OSBPL1A: variants seen among roughly 807,000 people sequenced by gnomAD.
OSBPL1A encodes oxysterol binding protein like 1A, also known as oxysterol-binding protein-related protein 1.
A neutral mutation model predicts 137.1 loss-of-function variants in OSBPL1A; 80 were observed. The observed-to-expected ratio is 0.58, with a 90% CI of 0.49 to 0.70. OSBPL1A has a LOEUF of 0.70. Among genes scored for constraint, OSBPL1A ranks in the 30% least tolerant of loss-of-function variants. OSBPL1A has a pLI of 0.00. For synonymous variants in OSBPL1A, 365 were observed against 389.7 expected (o/e 0.94, Z 0.75); for missense variants, 970 against 1,129.4 (o/e 0.86, Z 2.02).
At chr18:24,387,609 C>A (rs1288886932) in intron 1 of OSBPL1A, among the ~76,000 whole-genome samples, 1 of 151,986 alleles carries the variant, frequency 6.6e-6, no homozygotes. Context: ...GAGATGGGGA[C>A]TCGCTTTGTT....
chr18:24,358,432 T>A (rs7226922), intron 4 of OSBPL1A: 2 of 701,656 alleles, frequency 2.9e-6, no homozygotes, highest in African/African-American at 3.5e-5. Context: ...TTCCCCACCC[T>A]CGTGCACAGG....
At chr18:24,228,909 A>C (rs1239245904) in intron 16 of OSBPL1A, among the ~76,000 whole-genome samples, 2 of 152,140 alleles carry the variant, frequency 1.3e-5, no homozygotes, top group African/African-American at 4.8e-5. Context: ...ATAAATAAAA[A>C]GCAAACACAG....
At chr18:24,258,906 T>C (rs548814236) in intron 15 of OSBPL1A, among the ~76,000 whole-genome samples, 2 of 150,852 alleles carry the variant, frequency 1.3e-5, no homozygotes, top group South Asian at 4.2e-4. Flanking sequence ...TTTTTTAAAG[T>C]CTATTTTTAA....
At chr18:24,305,915 G>C (rs1339455445) in intron 13 of OSBPL1A, among the ~76,000 whole-genome samples, 3 of 152,160 alleles carry the variant, frequency 2.0e-5, no homozygotes, top group African/African-American at 7.2e-5. Flanking sequence ...CTTCCACCAA[G>C]ATTGTGAGGC....
intron 15 of OSBPL1A, among the ~76,000 whole-genome samples, chr18:24,266,027 C>T (rs1341095573): frequency 6.6e-6 from 1 of 152,204 alleles, no homozygotes; most frequent in Non-Finnish European, 1.5e-5. Context: ...CTCCTTATTG[C>T]ATCTGAATGT....
At chr18:24,383,920 T>C (rs1419253765) in intron 1 of OSBPL1A, among the ~76,000 whole-genome samples, 2 of 152,192 alleles carry the variant, frequency 1.3e-5, no homozygotes, top group Non-Finnish European at 2.9e-5. Flanking sequence ...GGAGGTACCA[T>C]GATGGATAAG....
intron 23 of OSBPL1A, chr18:24,170,665 C>T (rs1213643248): frequency 1.9e-6 from 1 of 515,510 alleles, no homozygotes; most frequent in African/African-American, 1.9e-5. Context: ...GTGTGTACGA[C>T]TCACAGAGTC....
At chr18:24,173,374 C>A (rs1036568638) in intron 21 of OSBPL1A, among the ~76,000 whole-genome samples, 1 of 151,996 alleles carries the variant, frequency 6.6e-6, no homozygotes, top group Admixed American at 6.6e-5. Context: ...GCACATGTAC[C>A]CCCAAACCTA....
intron 14 of OSBPL1A, among the ~76,000 whole-genome samples, chr18:24,289,605 G>C (rs987024530): frequency 9.9e-5 from 15 of 151,948 alleles, no homozygotes; most frequent in African/African-American, 2.9e-4. Flanking sequence ...TTTTTTAGTA[G>C]AGACAGGGTT....
intron 15 of OSBPL1A, among the ~76,000 whole-genome samples, chr18:24,275,556 A>G (rs1946415941): frequency 6.6e-6 from 1 of 152,192 alleles, no homozygotes; most frequent in Admixed American, 6.5e-5. Context: ...AGGAAATGAA[A>G]TGAATGGAAG....
intron 11 of OSBPL1A, among the ~76,000 whole-genome samples, chr18:24,315,500 T>C (rs1033620860): frequency 1.3e-5 from 2 of 149,484 alleles, no homozygotes; most frequent in African/African-American, 4.9e-5. Context: ...TGGACAACAC[T>C]TAACAGAGAA....
intron 4 of OSBPL1A, among the ~76,000 whole-genome samples, chr18:24,359,409 G>A (rs1831809630): frequency 2.0e-5 from 3 of 151,984 alleles, no homozygotes; most frequent in Admixed American, 1.3e-4. Context: ...TGTTTTACAA[G>A]CATTCTCAGC....
chr18:24,343,295 C>T (rs1401941419), intron 4 of OSBPL1A, among the ~76,000 whole-genome samples: 1 of 152,026 alleles, frequency 6.6e-6, no homozygotes, highest in Non-Finnish European at 1.5e-5. Context: ...ACAAAAGACT[C>T]AGCACAAAAC....
At chr18:24,204,081 G>C (rs1331286333) in intron 17 of OSBPL1A, among the ~76,000 whole-genome samples, 4 of 152,200 alleles carry the variant, frequency 2.6e-5, no homozygotes, top group Admixed American at 2.6e-4. Flanking sequence ...GGGTCAAGGA[G>C]TATCTCTATT....
chr18:24,286,261 C>T (rs1433044286), intron 14 of OSBPL1A, among the ~76,000 whole-genome samples: 1 of 152,100 alleles, frequency 6.6e-6, no homozygotes, highest in African/African-American at 2.4e-5. Flanking sequence ...AATGTTTGCA[C>T]ATAAAAATCA....
At chr18:24,207,936 G>A (rs1295801677) in intron 17 of OSBPL1A, among the ~76,000 whole-genome samples, 1 of 152,100 alleles carries the variant, frequency 6.6e-6, no homozygotes, top group Non-Finnish European at 1.5e-5. Context: ...GCAGAGACAA[G>A]GTTTTGCCAT....
At position 24,253,172 on chromosome 18, in the gene OSBPL1A, G is replaced by GC. The variant is rs1555638407; in HGVS notation, c.1282-13791_1282-13790insG. Among the ~76,000 whole-genome samples the GC allele has an allele frequency of 9.3e-4, 130 of 140,306 alleles. 8 individuals are homozygous for GC. The highest frequency in any genetic ancestry group is 3.1e-3 in the African/African-American group (121 of 39,426). 92.0% of individuals were successfully genotyped at this position (140,306 alleles called of 152,430 possible). A position where few individuals can be genotyped will look rare whatever the true frequency, so the allele number is the denominator to read the frequency against. On this transcript the variant is annotated intron_variant, in intron 15 of 27. Coordinates refer to ENST00000319481, the MANE Select transcript of OSBPL1A (RefSeq NM_080597.4). Reference sequence around the variant, plus strand: ...TCTCCAATGAAAAGACATGGCGGGGGGGGGCGCTGAATGGATGAAAAAAAC... The same window carrying GC: ...TCTCCAATGAAAAGACATGGCGGGGGCGGGGCGCTGAATGGATGAAAAAAAC...
chr18:24,328,183 C>A (rs1448575654), intron 7 of OSBPL1A, among the ~76,000 whole-genome samples: 1 of 148,920 alleles, frequency 6.7e-6, no homozygotes, highest in Non-Finnish European at 1.5e-5. Context: ...CTGGGACTAC[C>A]AGGTACGTGC....
At chr18:24,257,425 T>C (rs375942677) in intron 15 of OSBPL1A, among the ~76,000 whole-genome samples, 1 of 152,224 alleles carries the variant, frequency 6.6e-6, no homozygotes. Context: ...TGGATATCCA[T>C]ATGCAAAAGA....
Sources: gnomAD v4.1 joint callset for allele counts (sites outside exome capture counted in the v4.1 genomes callset) on GRCh38, gnomAD v4.1.1 for gene constraint, MANE v1.5 for transcripts, NCBI Gene and HGNC (gene_info 2026-07-23, HGNC 2026-07-21) for gene names.